Variants in ZNF800 observed in about 807,000 individuals in gnomAD.
The protein encoded by ZNF800 is zinc finger protein 800.
Under a neutral mutation model 59.5 loss-of-function variants are expected in ZNF800, and 13 were observed. The observed-to-expected ratio is 0.22, with a 90% CI of 0.14 to 0.35. ZNF800 has a LOEUF of 0.35. ZNF800 is among the 10% of genes least tolerant of loss of function. The pLI, the probability that ZNF800 is intolerant of heterozygous loss-of-function variation, is 1.00. For missense variants in ZNF800, 621 were observed against 783.7 expected (o/e 0.79, Z 2.48); for synonymous variants, 266 against 265.7 (o/e 1.00, Z -0.01).
chr7:127,349,498 G>A (rs1800132773), intron 1 of ZNF800, among the ~76,000 whole-genome samples: 1 of 152,156 alleles, frequency 6.6e-6, no homozygotes, highest in Non-Finnish European at 1.5e-5. Context: ...TTGTCAGGCT[G>A]ATTTTATCTA....
intron 2 of ZNF800, 51 bp downstream of exon 2, chr7:127,391,446 C>A: frequency 1.3e-6 from 2 of 1,562,986 alleles, no homozygotes; most frequent in Non-Finnish European, 1.8e-6. Context: ...AAAGAGAAGG[C>A]AGAGTGGCTC....
At position 127,373,339 on chromosome 7, in the gene ZNF800, C is replaced by T. The variant is rs745786731; in HGVS notation, c.1994+3G>A. On this transcript the variant is annotated splice_donor_region_variant and intron_variant, in intron 5 of 5. Transcript: ENST00000265827. ...AAGCAAAACTCTGTTAACTGTTCCT[C>T]ACCAGACAAGAGCCTTAGATCTTGT... is the stretch of plus-strand genomic sequence containing the variant. 20 of 1,573,536 alleles carry T rather than the reference C, an allele frequency of 1.3e-5. No homozygotes were observed. Among genetic ancestry groups the T allele is most frequent in the Non-Finnish European group, 1.7e-5 (20 of 1,161,742 alleles).
intron 1 of ZNF800, chr7:127,364,233 T>C (rs1225830510): frequency 6.6e-6 from 1 of 152,128 alleles, no homozygotes; most frequent in African/African-American, 2.4e-5. Context: ...AGATTTCACA[T>C]TTATGTGGTG....
chr7:127,357,386 T>C (rs1337183875), intron 1 of ZNF800, among the ~76,000 whole-genome samples: 8 of 152,130 alleles, frequency 5.3e-5, no homozygotes, highest in Admixed American at 2.0e-4. Flanking sequence ...CAACCTTTAA[T>C]AGTACCTTTA....
rs1800612310 is a variant in ZNF800 at position 127,370,689 on chromosome 7, A to C, written c.*1125T>G. 1 of 152,582 alleles carries C rather than the reference A, an allele frequency of 6.6e-6. No individual in the cohort carries two copies. The highest frequency in any genetic ancestry group is 1.5e-5 in the Non-Finnish European group (1 of 67,994). 9.5% of individuals were successfully genotyped at this position (152,582 alleles called of 1,614,324 possible). On this transcript the variant is annotated 3_prime_UTR_variant, in exon 6 of 6. Transcript: ENST00000265827. The stretch of plus-strand genomic sequence containing the variant: ...AATTATAATTTGACACAAATAACTA[A>C]AAAATAAAATATTCCCTAAAAGTAC...
In ZNF800 at chr7:127,374,638, C is replaced by T; in HGVS notation, c.698G>A (p.Cys233Tyr). The T allele has an allele frequency of 6.2e-7, 1 of 1,614,022 alleles. No homozygotes were observed. Among genetic ancestry groups the T allele is most frequent in the Non-Finnish European group, 8.5e-7 (1 of 1,179,932 alleles). Residue 233 changes from cysteine to tyrosine, a missense_variant, in exon 5 of 6, where the codon TGT becomes TAT. Physicochemically the swap from Cys to Tyr is radical, Grantham distance 194. Transcript: ENST00000265827. The part of the protein sequence containing the change: ...NSDFGHQLIC[C>Y]LCRKEFNSRR... ...AGAATTGAATTCTTTTCTACAAAGACAACATATCAACTGGTGACCAAAATC... is the reference window on the plus strand; with the variant it reads ...AGAATTGAATTCTTTTCTACAAAGATAACATATCAACTGGTGACCAAAATC...
intron 4 of ZNF800, among the ~76,000 whole-genome samples, chr7:127,375,581 TGTA>T (rs2117121075): frequency 6.6e-6 from 1 of 152,216 alleles, no homozygotes; most frequent in South Asian, 2.1e-4. Context: ...TGGGATGATG[TGTA>T]GAAGTATTTG....
Position 127,374,924 on chromosome 7 carries a change from T to C in ZNF800, c.412A>G (p.Thr138Ala). 3.1e-6 allele frequency: 5 copies of C among 1,613,906 alleles called. No homozygotes were observed. Among genetic ancestry groups the C allele is most frequent in the Non-Finnish European group, 4.2e-6 (5 of 1,179,890 alleles). Residue 138 changes from threonine to alanine, a missense_variant, in exon 5 of 6, where the codon ACT becomes GCT. Physicochemically the swap from Thr to Ala is moderately conservative, Grantham distance 58 (BLOSUM62 0). Transcript: ENST00000265827. ...EYIIKLEPIE[T>A]NQNAVFQYIS... Reference sequence around the variant, plus strand: ...TATTGAAATACTGCATTTTGATTAGTTTCTATGGGTTCTAGCTTAATAATA... The same window carrying C: ...TATTGAAATACTGCATTTTGATTAGCTTCTATGGGTTCTAGCTTAATAATA...
chr7:127,376,417 T>C (rs1792574966), intron 4 of ZNF800, among the ~76,000 whole-genome samples: 2 of 151,934 alleles, frequency 1.3e-5, no homozygotes, highest in Admixed American at 1.3e-4. Flanking sequence ...TATTGAATTT[T>C]TTTAAATTTA....
At chr7:127,366,200 T>C (rs1408201824), downstream of ZNF800, among the ~76,000 whole-genome samples, 1 of 152,060 alleles carries the variant, frequency 6.6e-6, no homozygotes, top group African/African-American at 2.4e-5. Context: ...CCCAAAAGAA[T>C]GGAATGATGC....
chr7:127,388,204 C>T (rs190167521), intron 2 of ZNF800, among the ~76,000 whole-genome samples: 1 of 152,280 alleles, frequency 6.6e-6, no homozygotes, highest in Admixed American at 6.5e-5. Flanking sequence ...ATAGTAAGTG[C>T]TCAATAAACA....
Position 127,377,928 on chromosome 7 carries a change from C to A in ZNF800, c.158-599G>T, listed in dbSNP as rs1302826958. ...GGGATTATGGCTATTTAGCGTGATT[C>A]TCTACGAAGTAGAGAATCTTTGTCT... On this transcript the variant is annotated intron_variant, in intron 3 of 5. Transcript: ENST00000265827. The surrounding 1 kb of genome is among the most constrained non-coding windows in gnomAD (Gnocchi z 4.7). 2.6e-5 allele frequency among the ~76,000 whole-genome samples: 4 copies of A among 152,012 alleles called. No homozygotes were observed. The East Asian group carries it at 7.7e-4, about 29-fold the overall frequency.
At chr7:127,366,463 T>C (rs1190904811), downstream of ZNF800, among the ~76,000 whole-genome samples, 1 of 152,138 alleles carries the variant, frequency 6.6e-6, no homozygotes, top group Non-Finnish European at 1.5e-5. Flanking sequence ...AGGGAAAACT[T>C]CAGGCTGTCT....
At chr7:127,384,174 T>A (rs1222382896) in intron 3 of ZNF800, among the ~76,000 whole-genome samples, 7 of 149,854 alleles carry the variant, frequency 4.7e-5, no homozygotes, top group Admixed American at 3.3e-4. Context: ...TTCTTGTTGA[T>A]AAGGCTGTTT....
At chr7:127,390,949 T>G (rs1801292726) in intron 2 of ZNF800, among the ~76,000 whole-genome samples, 1 of 152,234 alleles carries the variant, frequency 6.6e-6, no homozygotes, top group Admixed American at 6.5e-5. Context: ...AAAAGAGATT[T>G]CTCTTTTATT....
At chr7:127,343,746 T>C (rs1800008643), downstream of ZNF800, among the ~76,000 whole-genome samples, 1 of 151,920 alleles carries the variant, frequency 6.6e-6, no homozygotes, top group Non-Finnish European at 1.5e-5. Flanking sequence ...AGAAATTGAG[T>C]TCAACATTGT....
rs1800629278 is a variant in ZNF800 at position 127,371,455 on chromosome 7, G to A, written c.*359C>T. 5.4e-6 allele frequency: 1 copy of A among 184,690 alleles called. No homozygotes were observed. The highest frequency in any genetic ancestry group is 1.1e-5 in the Non-Finnish European group (1 of 89,712). 11.4% of individuals were successfully genotyped at this position (184,690 alleles called of 1,614,324 possible). On this transcript the variant is annotated 3_prime_UTR_variant, in exon 6 of 6. Transcript: ENST00000265827. ...ATAAAGTCTTTGTCAATTAAAAATT[G>A]ATATTTTCTTCAGGTTGTTGATCAC...
intron 1 of ZNF800, chr7:127,364,576 G>C (rs1800464742): frequency 6.6e-6 from 1 of 152,142 alleles, no homozygotes; most frequent in Non-Finnish European, 1.5e-5. Context: ...TAGTATAGAA[G>C]AGAAGTTTAT....
Position 127,373,543 on chromosome 7 carries a change from T to C in ZNF800, c.1793A>G (p.Lys598Arg), listed in dbSNP as rs765975561. 9.3e-6 allele frequency: 15 copies of C among 1,614,074 alleles called. No individual in the cohort carries two copies. In the African/African-American group the frequency reaches 2.0e-4, roughly 22 times the overall value. ...ACCGACGTCAGCTACTTCATACTTT[T>C]TACTAGGAGAGTTAGAAGTGCCATC... ...KHDGTSNSPS[K>R]KYEVADVGIE... is the part of the protein sequence containing the mutation. Residue 598 changes from lysine to arginine, a missense_variant, in exon 5 of 6, where the codon AAA (lysine) becomes AGA (arginine). Around this residue, in one of 7 missense-constraint regions of ZNF800, gnomAD observed 94 missense variants for 108.5 expected, o/e 0.87. Transcript: ENST00000265827.
Sources: gnomAD v4.1 joint callset for allele counts (sites outside exome capture counted in the v4.1 genomes callset) on GRCh38, gnomAD v4.1.1 for gene constraint, gnomAD v4.1.1 regional missense constraint, Gnocchi (gnomAD v3.1) non-coding constraint, MANE v1.5 for transcripts, NCBI Gene and HGNC (gene_info 2026-07-23, HGNC 2026-07-21) for gene names.